Variants in ZGLP1 observed in about 807,000 individuals in gnomAD.
ZGLP1 encodes the protein GATA-type zinc finger protein 1.
ZGLP1 carries 11 observed loss-of-function variants against 21.4 expected under a neutral mutation model. The observed-to-expected ratio is 0.51, with a 90% CI of 0.32 to 0.85. The LOEUF is 0.85. Among genes scored for constraint, ZGLP1 ranks in the 40% least tolerant of loss-of-function variants. The probability of loss-of-function intolerance (pLI) is 0.03; values close to 1 mark genes in which losing one functional copy is unlikely to be tolerated. For missense variants in ZGLP1, 295 were observed against 355.6 expected, an observed-to-expected ratio of 0.83 and a Z score of 1.37; for synonymous variants, 148 against 145.0, an observed-to-expected ratio of 1.02 and a Z score of -0.15.
Position 10,305,143 on chromosome 19 carries a change from T to G in ZGLP1, c.764A>C (p.Lys255Thr), listed in dbSNP as rs747622128. Residue 255 changes from lysine to threonine, a missense_variant, in exon 4 of 4, where the codon AAG becomes ACG. Physicochemically the swap from Lys to Thr is moderately conservative, Grantham distance 78 (BLOSUM62 -1). Transcript: ENST00000403903. This position sits in a 1 kb window ranked among gnomAD's most constrained non-coding sequence, Gnocchi z 4.7. ...CACTCCACATCTGCCACATAGCCTC[T>G]TGGGCTGGACATTTTTCCTGGGCAC... 6.2e-7 allele frequency: 1 copy of G among 1,613,994 alleles called. No homozygotes were observed. The highest frequency in any genetic ancestry group is 1.7e-5 in the Admixed American group (1 of 60,018).
At chr19:10,308,582 T>G in exon 1 of ZGLP1, 1 of 1,586,740 alleles carries the variant, frequency 6.3e-7, no homozygotes, top group Non-Finnish European at 8.6e-7. Flanking sequence ...TCACGTTTTC[T>G]TGGGTGACTC....
chr19:10,308,255 C>T (rs1190180974), exon 1 of ZGLP1: 1 of 1,593,918 alleles, frequency 6.3e-7, no homozygotes, highest in Admixed American at 1.8e-5. Flanking sequence ...CCCTCGAACC[C>T]AGGGTCCACT....
At chr19:10,307,977 G>C (rs1353445805) in intron 1 of ZGLP1, among the ~76,000 whole-genome samples, 1 of 152,260 alleles carries the variant, frequency 6.6e-6, no homozygotes. Context: ...AAGAGACCAG[G>C]TCTCACATTG....
exon 1 of ZGLP1, chr19:10,308,727 C>CTTAA: frequency 2.1e-6 from 3 of 1,433,492 alleles, no homozygotes; most frequent in South Asian, 1.8e-5. Context: ...AATTGCAACT[C>CTTAA]ACCTCGCCCA....
At chr19:10,308,541 C>G in exon 1 of ZGLP1, 1 of 1,605,732 alleles carries the variant, frequency 6.2e-7, no homozygotes, top group Non-Finnish European at 8.5e-7. Flanking sequence ...GGCATGCAGG[C>G]CAGAGGGACC....
At chr19:10,306,361 C>T (rs1374718560) in intron 1 of ZGLP1, among the ~76,000 whole-genome samples, 1 of 152,004 alleles carries the variant, frequency 6.6e-6, no homozygotes, top group African/African-American at 2.4e-5. Flanking sequence ...GATCCACCCA[C>T]CTCGGCCTCC....
rs1328848784 is a variant in ZGLP1 at position 10,305,711 on chromosome 19, G to A, written c.604+135C>T. On this transcript the variant is annotated intron_variant, in intron 2 of 3. Transcript: ENST00000403903. This position sits in a 1 kb window ranked among gnomAD's most constrained non-coding sequence, Gnocchi z 4.7. The stretch of plus-strand genomic sequence containing the variant: ...GTGGGGGTGACTCAGCCCAAGTGGA[G>A]GGGGGTGCTGCGACTCCTCCCTGAG... The A allele has an allele frequency of 1.4e-5, 11 of 784,464 alleles. No individual in the cohort carries two copies. Among genetic ancestry groups the A allele is most frequent in the Admixed American group, 6.2e-5 (3 of 48,320 alleles). The allele number at this position is 784,464 out of a possible 1,614,324, so 48.6% of individuals were successfully genotyped here.
Position 10,305,052 on chromosome 19 carries a change from CG to C in ZGLP1, c.*38del. 1 of 1,503,842 alleles carries C rather than the reference CG, an allele frequency of 6.6e-7. No homozygotes were observed. Among genetic ancestry groups the C allele is most frequent in the East Asian group, 2.3e-5 (1 of 44,372 alleles). 93.2% of individuals were successfully genotyped at this position (1,503,842 alleles called of 1,614,324 possible). On this transcript the variant is annotated 3_prime_UTR_variant, in exon 4 of 4. Coordinates refer to ENST00000403903, the Ensembl canonical transcript of ZGLP1. This position sits in a 1 kb window ranked among gnomAD's most constrained non-coding sequence, Gnocchi z 4.7. Reference sequence around the variant, plus strand: ...TCTGCCCATTCTCCCACTGGTGAAACGGAGGCAGAAGCAGCAGCTCAGCAGG... The same window carrying C: ...TCTGCCCATTCTCCCACTGGTGAAACGAGGCAGAAGCAGCAGCTCAGCAGG...
chr19:10,305,014 T>C lies in ZGLP1; in HGVS notation c.*77A>G. 2.6e-6 allele frequency: 3 copies of C among 1,168,364 alleles called. No homozygotes were observed. Among genetic ancestry groups the C allele is most frequent in the Non-Finnish European group, 3.8e-6 (3 of 785,736 alleles). 72.4% of individuals were successfully genotyped at this position (1,168,364 alleles called of 1,614,324 possible). A position where few individuals can be genotyped will look rare whatever the true frequency, so the allele number is the denominator to read the frequency against. Reference sequence around the variant, plus strand: ...AGGCCGGCTCTTTCCCCAATCCTCCTAGGAGAGCTGCTTCTGCCCATTCTC... The same window carrying C: ...AGGCCGGCTCTTTCCCCAATCCTCCCAGGAGAGCTGCTTCTGCCCATTCTC... On this transcript the variant is annotated 3_prime_UTR_variant, in exon 4 of 4. Transcript: ENST00000403903. This position sits in a 1 kb window ranked among gnomAD's most constrained non-coding sequence, Gnocchi z 4.7.
exon 1 of ZGLP1, chr19:10,308,449 A>G: frequency 6.2e-7 from 1 of 1,610,574 alleles, no homozygotes; most frequent in Non-Finnish European, 8.5e-7. Context: ...GCAAGGCCCC[A>G]GGACCGGGGT....
exon 1 of ZGLP1, chr19:10,308,709 G>T (rs754220957): frequency 6.8e-6 from 10 of 1,468,092 alleles, no homozygotes; most frequent in Non-Finnish European, 9.0e-6. Context: ...AGGTTTAAGA[G>T]TTGCAGTAAT....
chr19:10,305,658 C>A lies in ZGLP1; in HGVS notation c.605-175G>T. On this transcript the variant is annotated intron_variant, in intron 2 of 3. Transcript: ENST00000403903. This position sits in a 1 kb window ranked among gnomAD's most constrained non-coding sequence, Gnocchi z 4.7. ...CAAAGCCAGGAAGGGAGACAGATGG[C>A]AGCATTCCGCAGAGGAGGAAGCTGG... 2 of 733,766 alleles carry A rather than the reference C, an allele frequency of 2.7e-6. No individual in the cohort carries two copies. The highest frequency in any genetic ancestry group is 1.7e-5 in the South Asian group (1 of 59,430). The allele number at this position is 733,766 out of a possible 1,614,324, so 45.5% of individuals were successfully genotyped here. A position where few individuals can be genotyped will look rare whatever the true frequency, so the allele number is the denominator to read the frequency against.
intron 1 of ZGLP1, among the ~76,000 whole-genome samples, chr19:10,307,133 C>CAAAA (rs143187985): frequency 2.0e-5 from 2 of 98,194 alleles, no homozygotes; most frequent in Non-Finnish European, 4.3e-5. Flanking sequence ...AACTCCATCT[C>CAAAA]AAAAAAAAAA....
intron 1 of ZGLP1, 82 bp downstream of exon 2, chr19:10,308,103 G>T (rs1418296347): frequency 2.0e-6 from 3 of 1,488,926 alleles, no homozygotes; most frequent in Admixed American, 4.6e-5. Flanking sequence ...CCACACCGAC[G>T]CCAGAGAGCA....
chr19:10,305,920 G>T lies in ZGLP1; in HGVS notation c.530C>A (p.Pro177His), dbSNP rs866089930. 17 of 1,565,218 alleles carry T rather than the reference G, an allele frequency of 1.1e-5. No homozygotes were observed. Among genetic ancestry groups the T allele is most frequent in the Non-Finnish European group, 1.5e-5 (17 of 1,153,480 alleles). The change falls in exon 2 of 4, where the codon CCT becomes CAT. Residue 177 changes from proline (P) to histidine (H), a missense_variant. Coordinates refer to ENST00000403903, the Ensembl canonical transcript of ZGLP1. The surrounding 1 kb of genome is among the most constrained non-coding windows in gnomAD (Gnocchi z 4.7). ...TGCAGGGCCCCCAACAGCATCTGCA[G>T]GGGATTCCTGAGAACGGCTACTGCA...
intron 1 of ZGLP1, among the ~76,000 whole-genome samples, chr19:10,306,358 C>T (rs2040279623): frequency 6.6e-6 from 1 of 151,928 alleles, no homozygotes; most frequent in South Asian, 2.1e-4. Flanking sequence ...AGTGATCCAC[C>T]CACCTCGGCC....
chr19:10,305,748 G>A lies in ZGLP1; in HGVS notation c.604+98C>T. 1.9e-6 allele frequency: 2 copies of A among 1,052,082 alleles called. No homozygotes were observed. Among genetic ancestry groups the A allele is most frequent in the Middle Eastern group, 2.1e-4 (1 of 4,818 alleles). 65.2% of individuals were successfully genotyped at this position (1,052,082 alleles called of 1,614,324 possible). On this transcript the variant is annotated intron_variant, in intron 2 of 3. Coordinates refer to ENST00000403903, the Ensembl canonical transcript of ZGLP1. This position sits in a 1 kb window ranked among gnomAD's most constrained non-coding sequence, Gnocchi z 4.7. ...GACTCCTCCCTGAGGGCTCTAAATG[G>A]GGAAGCAAGATGGAGAAGGGGGGGG...
rs2040273005 is a variant in ZGLP1, at chr19:10,305,295, G to A, written c.699-87C>T. ...AGGAAACCACTTTTCCCAAGAGGTA[G>A]GTGTTTTGCTTTTTGCTTTCCCCAC... On this transcript the variant is annotated intron_variant, in intron 3 of 3. Transcript: ENST00000403903. This position sits in a 1 kb window ranked among gnomAD's most constrained non-coding sequence, Gnocchi z 4.7. 5 of 1,558,546 alleles carry A rather than the reference G, an allele frequency of 3.2e-6. No homozygotes were observed. Among genetic ancestry groups the A allele is most frequent in the Admixed American group, 1.8e-5 (1 of 55,894 alleles).
At chr19:10,307,027 C>G (rs1001347366) in intron 1 of ZGLP1, among the ~76,000 whole-genome samples, 5 of 151,098 alleles carry the variant, frequency 3.3e-5, no homozygotes, top group Admixed American at 2.0e-4. Flanking sequence ...CCAGCTACTC[C>G]AGAGGCTGAG....
Sources: gnomAD v4.1 joint callset for allele counts (sites outside exome capture counted in the v4.1 genomes callset) on GRCh38, gnomAD v4.1.1 for gene constraint, Gnocchi (gnomAD v3.1) non-coding constraint, MANE v1.5 for transcripts, NCBI Gene and HGNC (gene_info 2026-07-23, HGNC 2026-07-21) for gene names.